AKAP19: variants seen among roughly 807,000 people sequenced by gnomAD.
The protein encoded by AKAP19 is A-kinase anchoring protein 19.
chr2:190,193,679 A>G, the AKAP19 span, among the ~76,000 whole-genome samples: 1 of 152,158 alleles, frequency 6.6e-6, no homozygotes, highest in East Asian at 1.9e-4. Flanking sequence ...TATAGATGTC[A>G]TAATGCCCAT....
chr2:190,009,004 G>T, the AKAP19 span, among the ~76,000 whole-genome samples: 7 of 152,054 alleles, frequency 4.6e-5, no homozygotes, highest in African/African-American at 1.7e-4. Flanking sequence ...GCTGTCTGGG[G>T]TTCCAGACAG....
chr2:190,057,198 A>T, the AKAP19 span: 2 of 1,597,848 alleles, frequency 1.3e-6, no homozygotes, highest in Non-Finnish European at 1.7e-6. Flanking sequence ...TCACAGCTTC[A>T]AAATTGTTGA....
At chr2:189,886,549 GA>G in the AKAP19 span, among the ~76,000 whole-genome samples, 1 of 152,126 alleles carries the variant, frequency 6.6e-6, no homozygotes, top group African/African-American at 2.4e-5. Flanking sequence ...TCTTAAGTGA[GA>G]AAAGTCCACA....
the AKAP19 span, chr2:189,923,946 T>C: frequency 1.9e-6 from 3 of 1,609,860 alleles, no homozygotes; most frequent in East Asian, 4.5e-5. Flanking sequence ...CTGGAAAAAA[T>C]TGAAAAGGAA....
chr2:190,011,177 C>T, the AKAP19 span, among the ~76,000 whole-genome samples: 2 of 151,716 alleles, frequency 1.3e-5, no homozygotes, highest in African/African-American at 4.8e-5. Flanking sequence ...CCTGTCTCAG[C>T]CTCCCAAGTA....
the AKAP19 span, among the ~76,000 whole-genome samples, chr2:190,111,106 C>A: frequency 6.6e-6 from 1 of 152,022 alleles, no homozygotes; most frequent in African/African-American, 2.4e-5. Flanking sequence ...AGCACAGAGC[C>A]CCCCCAGAGC....
At chr2:190,058,332 T>C in the AKAP19 span, among the ~76,000 whole-genome samples, 1 of 152,032 alleles carries the variant, frequency 6.6e-6, no homozygotes, top group Non-Finnish European at 1.5e-5. Flanking sequence ...CTGGACATAT[T>C]ATCAATTTTG....
At chr2:190,183,585 T>C in the AKAP19 span, among the ~76,000 whole-genome samples, 1 of 152,292 alleles carries the variant, frequency 6.6e-6, no homozygotes. Flanking sequence ...AAACTATTAG[T>C]CTGTAAAGTC....
At chr2:190,191,199 G>A in the AKAP19 span, among the ~76,000 whole-genome samples, 5 of 151,872 alleles carry the variant, frequency 3.3e-5, no homozygotes, top group Non-Finnish European at 5.9e-5. Context: ...GTGCAGTTGC[G>A]TGATCTCAGC....
chr2:189,912,175 G>C, the AKAP19 span, among the ~76,000 whole-genome samples: 5 of 151,672 alleles, frequency 3.3e-5, no homozygotes, highest in East Asian at 9.7e-4. Context: ...GTTTTTCATA[G>C]AACCAATTCA....
At chr2:190,040,393 G>A in the AKAP19 span, among the ~76,000 whole-genome samples, 1 of 152,156 alleles carries the variant, frequency 6.6e-6, no homozygotes. Context: ...ATTTGTTTAA[G>A]TTCCTAATAC....
chr2:190,168,020 G>A, the AKAP19 span, among the ~76,000 whole-genome samples: 2 of 152,158 alleles, frequency 1.3e-5, no homozygotes, highest in South Asian at 2.1e-4. Context: ...TCCCTTCCAC[G>A]CTTCTCTAGC....
the AKAP19 span, among the ~76,000 whole-genome samples, chr2:190,064,717 A>G: frequency 6.6e-6 from 1 of 152,164 alleles, no homozygotes; most frequent in Non-Finnish European, 1.5e-5. Context: ...CTCCACATGA[A>G]CTAGAACTGC....
At chr2:190,012,216 C>A in the AKAP19 span, among the ~76,000 whole-genome samples, 1 of 152,110 alleles carries the variant, frequency 6.6e-6, no homozygotes, top group Non-Finnish European at 1.5e-5. Context: ...CCTCTGCTTC[C>A]CAGGCTGAAG....
chr2:190,035,663 T>A, the AKAP19 span, among the ~76,000 whole-genome samples: 2 of 151,900 alleles, frequency 1.3e-5, no homozygotes, highest in East Asian at 3.9e-4. Flanking sequence ...TTTCTAGATG[T>A]CATATAAGTT....
chr2:189,905,493 T>G, the AKAP19 span, among the ~76,000 whole-genome samples: 1 of 152,028 alleles, frequency 6.6e-6, no homozygotes, highest in Non-Finnish European at 1.5e-5. Flanking sequence ...CTGTAGCAGA[T>G]AAGGTAGTTT....
At chr2:189,910,193 A>T in the AKAP19 span, among the ~76,000 whole-genome samples, 1,486 of 152,232 alleles carry the variant, frequency 9.8e-3, 23 homozygotes, top group African/African-American at 0.034. Flanking sequence ...TAGAGCAAAC[A>T]TTAAAAGCCA....
At chr2:190,099,698 A>G in the AKAP19 span, among the ~76,000 whole-genome samples, 1 of 152,238 alleles carries the variant, frequency 6.6e-6, no homozygotes, top group East Asian at 1.9e-4. Flanking sequence ...GAAGCACGAT[A>G]AAGTGAAATG....
chr2:190,150,069 C>T, the AKAP19 span, among the ~76,000 whole-genome samples: 1 of 152,158 alleles, frequency 6.6e-6, no homozygotes, highest in Non-Finnish European at 1.5e-5. Context: ...CCCACTGTGC[C>T]CCCTGCAACA....
Sources: gnomAD v4.1 joint callset for allele counts (sites outside exome capture counted in the v4.1 genomes callset) on GRCh38, gnomAD v4.1.1 for gene constraint, MANE v1.5 for transcripts, NCBI Gene and HGNC (gene_info 2026-07-23, HGNC 2026-07-21) for gene names.